The following LUZP2 variants were observed in gnomAD, a reference collection of about 807,000 sequenced individuals.
The protein encoded by LUZP2 is leucine zipper protein 2.
Under a neutral mutation model 51.6 loss-of-function variants are expected in LUZP2, and 52 were observed. That is an observed-to-expected ratio of 1.01 (90% CI 0.81 to 1.27). The LOEUF is 1.27. LUZP2 is among the 50% of genes most tolerant of loss of function. The probability of loss-of-function intolerance (pLI) is 0.00; values close to 1 mark genes in which losing one functional copy is unlikely to be tolerated. For missense variants in LUZP2, 436 were observed against 395.4 expected (o/e 1.10, Z -0.87); for synonymous variants, 154 against 137.3 (o/e 1.12, Z -0.85).
At chr11:24,658,708 G>A (rs1855906098) in intron 1 of LUZP2, among the ~76,000 whole-genome samples, 2 of 151,900 alleles carry the variant, frequency 1.3e-5, no homozygotes, top group Admixed American at 1.3e-4. Context: ...AATCTACAAT[G>A]AACTCAAACA....
chr11:24,677,625 T>G (rs545703452), intron 1 of LUZP2, among the ~76,000 whole-genome samples: 1 of 152,386 alleles, frequency 6.6e-6, no homozygotes, highest in South Asian at 2.1e-4. Flanking sequence ...TATCTTTTTC[T>G]CATTGTTCTT....
intron 1 of LUZP2, among the ~76,000 whole-genome samples, chr11:24,574,708 A>G (rs1852584449): frequency 6.6e-6 from 1 of 152,014 alleles, no homozygotes; most frequent in Non-Finnish European, 1.5e-5. Context: ...GTTGGATAAT[A>G]TGTGTTTGTT....
intron 1 of LUZP2, among the ~76,000 whole-genome samples, chr11:24,552,618 A>G (rs1851753280): frequency 6.6e-6 from 1 of 152,036 alleles, no homozygotes; most frequent in Admixed American, 6.6e-5. Context: ...AAGTTGATAG[A>G]TACAAGATCA....
At chr11:24,514,006 G>T (rs1850389777) in intron 1 of LUZP2, among the ~76,000 whole-genome samples, 1 of 152,182 alleles carries the variant, frequency 6.6e-6, no homozygotes, top group South Asian at 2.1e-4. Flanking sequence ...CCCTGGCTAT[G>T]TTCTATAATA....
chr11:24,991,619 CT>C (rs547044057), intron 9 of LUZP2, among the ~76,000 whole-genome samples: 4 of 151,706 alleles, frequency 2.6e-5, no homozygotes, highest in Admixed American at 1.3e-4. Context: ...GATAGTTATA[CT>C]TTTAGTTGTT....
In LUZP2 at chr11:25,030,740, T is replaced by C. The variant is rs566274424; in HGVS notation, c.766-19298T>C. On this transcript the variant is annotated intron_variant, in intron 9 of 11. Transcript: ENST00000336930. ...CCTCATTTTGAGATATGACTATGTA[T>C]TTACCATTTTCTTATTTAAATTTTT... is the stretch of plus-strand genomic sequence containing the variant. Among the ~76,000 whole-genome samples, 5 of 150,172 alleles carry C rather than the reference T, an allele frequency of 3.3e-5. No homozygotes were observed. In the South Asian group the frequency reaches 6.3e-4, roughly 19 times the overall value.
At chr11:24,719,347 A>T (rs1279197397) in intron 1 of LUZP2, among the ~76,000 whole-genome samples, 5 of 152,236 alleles carry the variant, frequency 3.3e-5, no homozygotes, top group Non-Finnish European at 5.9e-5. Flanking sequence ...TTTCAGAAAT[A>T]AAGAAAATAA....
At chr11:24,956,570 T>C (rs111788524) in intron 7 of LUZP2, among the ~76,000 whole-genome samples, 4 of 152,116 alleles carry the variant, frequency 2.6e-5, no homozygotes, top group African/African-American at 9.7e-5. Context: ...TGAGTGAAAA[T>C]GTTTTTCAAC....
chr11:24,821,394 T>C (rs977565418), intron 5 of LUZP2, among the ~76,000 whole-genome samples: 1 of 152,160 alleles, frequency 6.6e-6, no homozygotes, highest in African/African-American at 2.4e-5. Context: ...TCAAATCAGT[T>C]AGTCAATAGC....
intron 9 of LUZP2, among the ~76,000 whole-genome samples, chr11:24,991,174 G>T (rs2133926170): frequency 6.6e-6 from 1 of 151,820 alleles, no homozygotes; most frequent in East Asian, 1.9e-4. Flanking sequence ...ATATGCCTTT[G>T]CATCCTCATA....
intron 5 of LUZP2, among the ~76,000 whole-genome samples, chr11:24,870,878 G>T (rs546642690): frequency 1.3e-5 from 2 of 152,034 alleles, no homozygotes; most frequent in Non-Finnish European, 2.9e-5. Context: ...TAGGCTAAAT[G>T]TAAGGAGAAA....
chr11:24,635,673 A>G (rs1439955167), intron 1 of LUZP2, among the ~76,000 whole-genome samples: 5 of 152,176 alleles, frequency 3.3e-5, no homozygotes, highest in Admixed American at 2.6e-4. Context: ...ACAAAGTTAT[A>G]CATTTTAAAA....
At chr11:25,014,296 CT>C (rs1236825816) in intron 9 of LUZP2, among the ~76,000 whole-genome samples, 1 of 152,186 alleles carries the variant, frequency 6.6e-6, no homozygotes, top group East Asian at 1.9e-4. Flanking sequence ...AATGCTATTT[CT>C]AGTTCTAGAT....
chr11:24,890,340 A>G (rs1056412072), intron 5 of LUZP2, among the ~76,000 whole-genome samples: 2 of 152,218 alleles, frequency 1.3e-5, no homozygotes, highest in Non-Finnish European at 2.9e-5. Flanking sequence ...AGTACATGAC[A>G]ATAATAACAT....
chr11:25,067,126 G>A (rs1859019793), intron 10 of LUZP2, among the ~76,000 whole-genome samples: 1 of 151,970 alleles, frequency 6.6e-6, no homozygotes, highest in Admixed American at 6.6e-5. Context: ...ATTATACTCT[G>A]ATTACATGTA....
chr11:24,878,225 G>A (rs1005118176), intron 5 of LUZP2, among the ~76,000 whole-genome samples: 1 of 151,390 alleles, frequency 6.6e-6, no homozygotes, highest in Non-Finnish European at 1.5e-5. Flanking sequence ...TTGTAGGACA[G>A]GTCTGGTGTT....
At chr11:25,012,321 C>A (rs1294913861) in intron 9 of LUZP2, among the ~76,000 whole-genome samples, 5 of 152,136 alleles carry the variant, frequency 3.3e-5, no homozygotes, top group African/African-American at 1.2e-4. Flanking sequence ...TAACTTTCAT[C>A]TCCCTGACTT....
chr11:25,030,979 TATAATACAATATATA>T (rs1378817874), intron 9 of LUZP2, among the ~76,000 whole-genome samples: 1 of 8,938 alleles, frequency 1.1e-4, no homozygotes, highest in African/African-American at 1.6e-3. Flanking sequence ...ATTATATATA[TATAATACAATATATA>T]TTATATATAT....
At chr11:24,931,021 G>A (rs1854429064) in intron 7 of LUZP2, among the ~76,000 whole-genome samples, 2 of 151,870 alleles carry the variant, frequency 1.3e-5, no homozygotes, top group Non-Finnish European at 2.9e-5. Context: ...AGACCATCCT[G>A]GCCAACATGG....
Sources: gnomAD v4.1 joint callset for allele counts (sites outside exome capture counted in the v4.1 genomes callset) on GRCh38, gnomAD v4.1.1 for gene constraint, MANE v1.5 for transcripts, NCBI Gene and HGNC (gene_info 2026-07-23, HGNC 2026-07-21) for gene names.